CSMD1: variants seen among roughly 807,000 people sequenced by gnomAD.
The protein encoded by CSMD1 is CUB and sushi domain-containing protein 1.
A neutral mutation model predicts 417.5 loss-of-function variants in CSMD1; 213 were observed. The ratio of observed to expected loss-of-function variants is 0.51; its 90% confidence interval spans 0.46 to 0.57. The LOEUF is 0.57. Ranked by LOEUF, CSMD1 falls within the 20% of genes least tolerant of loss-of-function variation. The pLI is 0.00. For synonymous variants in CSMD1, 2,862 were observed against 1,736.8 expected (o/e 1.65, Z -16.11); for missense variants, 6,923 against 4,529.7 (o/e 1.53, Z -15.17).
intron 15 of CSMD1, among the ~76,000 whole-genome samples, chr8:3,404,094 G>C (rs1407248991): frequency 6.6e-6 from 1 of 152,114 alleles, no homozygotes; most frequent in African/African-American, 2.4e-5. Flanking sequence ...ACAGGACCTG[G>C]TTAGAAGTTT....
At chr8:3,677,973 G>A (rs1332673606) in intron 7 of CSMD1, among the ~76,000 whole-genome samples, 2 of 152,052 alleles carry the variant, frequency 1.3e-5, no homozygotes, top group Admixed American at 6.6e-5. Flanking sequence ...CACTGACTTG[G>A]TGCAGGGACT....
chr8:4,098,601 G>C (rs571937469), intron 3 of CSMD1, among the ~76,000 whole-genome samples: 3 of 151,990 alleles, frequency 2.0e-5, no homozygotes, highest in Non-Finnish European at 4.4e-5. Context: ...CCCTCTCTAA[G>C]GTTCAAATAA....
chr8:3,619,247 C>T (rs927699256), intron 7 of CSMD1, among the ~76,000 whole-genome samples: 3 of 152,078 alleles, frequency 2.0e-5, no homozygotes, highest in African/African-American at 4.8e-5. Context: ...GACATGTACC[C>T]CCCAAAAACG....
rs149990648 is a variant in CSMD1, at chr8:3,304,354, A to C, written c.3950+3341T>G. Among the ~76,000 whole-genome samples, 956 of 152,250 alleles carry C rather than the reference A, an allele frequency of 6.3e-3. 5 individuals carry two copies. Among genetic ancestry groups the C allele is most frequent in the Non-Finnish European group, 9.6e-3 (650 of 67,996 alleles). On this transcript the variant is annotated intron_variant, in intron 25 of 69. Transcript: ENST00000635120. ...GCTAATATCAAGGCTAAGACCAGAC[A>C]CCATTTTTTCTGAGTATTAGTACAA...
At chr8:4,692,053 G>T (rs1311645870) in intron 1 of CSMD1, among the ~76,000 whole-genome samples, 1 of 152,086 alleles carries the variant, frequency 6.6e-6, no homozygotes, top group East Asian at 1.9e-4. Context: ...TGATAATGCG[G>T]GGCACACAAC....
intron 1 of CSMD1, among the ~76,000 whole-genome samples, chr8:4,780,445 C>T (rs1168359371): frequency 6.6e-6 from 1 of 152,190 alleles, no homozygotes; most frequent in Non-Finnish European, 1.5e-5. Flanking sequence ...GTCTACCTAC[C>T]TACCTACCTA....
intron 5 of CSMD1, among the ~76,000 whole-genome samples, chr8:3,906,211 A>G (rs1808098875): frequency 6.6e-6 from 1 of 151,992 alleles, no homozygotes; most frequent in South Asian, 2.1e-4. Flanking sequence ...GTGCTTCATT[A>G]TCTTGATTGT....
chr8:4,840,657 T>G (rs577074238), intron 1 of CSMD1, among the ~76,000 whole-genome samples: 7 of 152,174 alleles, frequency 4.6e-5, no homozygotes, highest in Non-Finnish European at 1.0e-4. Flanking sequence ...CTGAGTGACG[T>G]GTCCCAAAAA....
rs529721062 is a variant in CSMD1, at chr8:4,783,791, G to A, written c.86-146233C>T. Among the ~76,000 whole-genome samples the A allele has an allele frequency of 2.6e-5, 4 of 152,246 alleles. No individual in the cohort carries two copies. In the South Asian group the frequency reaches 8.3e-4, roughly 32 times the overall value. On this transcript the variant is annotated intron_variant, in intron 1 of 69. Coordinates refer to ENST00000635120, the MANE Select transcript of CSMD1 (RefSeq NM_033225.6). ...TGGTGATGCCTCATTTGTAACTGTG[G>A]AGGCTTTGACACAAGGCATCAACCA...
At chr8:3,644,058 C>T (rs1471719464) in intron 7 of CSMD1, among the ~76,000 whole-genome samples, 1 of 152,166 alleles carries the variant, frequency 6.6e-6, no homozygotes, top group South Asian at 2.1e-4. Context: ...AAGCTTCCAA[C>T]TTTTATCTTT....
Position 3,946,825 on chromosome 8 carries a change from G to C in CSMD1, c.818+51078C>G, listed in dbSNP as rs111453891. Reference sequence around the variant, plus strand: ...ACTAAATCTGTCATATTTTAATTCTGTAAATGTTATAATTTTAAAAATTTT... The same window carrying C: ...ACTAAATCTGTCATATTTTAATTCTCTAAATGTTATAATTTTAAAAATTTT... On this transcript the variant is annotated intron_variant, in intron 5 of 69. Transcript: ENST00000635120. Among the ~76,000 whole-genome samples, 569 of 152,126 alleles carry C rather than the reference G, an allele frequency of 3.7e-3. 6 individuals carry two copies. Among genetic ancestry groups the C allele is most frequent in the African/African-American group, 0.012 (507 of 41,516 alleles).
At chr8:3,189,617 GT>G (rs1392504886) in intron 34 of CSMD1, among the ~76,000 whole-genome samples, 1 of 152,098 alleles carries the variant, frequency 6.6e-6, no homozygotes, top group African/African-American at 2.4e-5. Context: ...CATGATAATG[GT>G]TTTTTCCCAA....
At chr8:3,444,994 G>A (rs147833764) in intron 12 of CSMD1, among the ~76,000 whole-genome samples, 56 of 152,202 alleles carry the variant, frequency 3.7e-4, no homozygotes, top group African/African-American at 1.2e-3. Context: ...ACTCGAACCT[G>A]TCCAAGCCTC....
At chr8:4,687,861 A>T (rs1205278370) in intron 1 of CSMD1, among the ~76,000 whole-genome samples, 1 of 144,760 alleles carries the variant, frequency 6.9e-6, no homozygotes. Flanking sequence ...ACACACACAC[A>T]CTCATCTCCT....
At chr8:4,072,896 G>C (rs1026273535) in intron 3 of CSMD1, among the ~76,000 whole-genome samples, 3 of 152,128 alleles carry the variant, frequency 2.0e-5, no homozygotes, top group Non-Finnish European at 4.4e-5. Flanking sequence ...AGTGGAAAAA[G>C]TCAAATCAAC....
At chr8:3,820,750 A>AT (rs1209498759) in intron 5 of CSMD1, among the ~76,000 whole-genome samples, 1 of 151,556 alleles carries the variant, frequency 6.6e-6, no homozygotes, top group East Asian at 2.0e-4. Flanking sequence ...AAATTGTTGT[A>AT]TTTTTTGTTT....
At chr8:3,218,199 C>T (rs574742355) in intron 29 of CSMD1, among the ~76,000 whole-genome samples, 1 of 152,270 alleles carries the variant, frequency 6.6e-6, no homozygotes, top group South Asian at 2.1e-4. Context: ...AGAAACCTTG[C>T]TAAACCAGCC....
At chr8:3,961,017 C>T (rs1198481882) in intron 5 of CSMD1, among the ~76,000 whole-genome samples, 2 of 151,846 alleles carry the variant, frequency 1.3e-5, no homozygotes, top group African/African-American at 2.4e-5. Context: ...ATAAATTGTA[C>T]AATTCCCATT....
At chr8:3,290,351 T>A (rs7837516) in intron 25 of CSMD1, among the ~76,000 whole-genome samples, 1 of 143,354 alleles carries the variant, frequency 7.0e-6, no homozygotes, top group South Asian at 2.1e-4. Flanking sequence ...TAGTTTTTTC[T>A]AATTCTGTGA....
Sources: gnomAD v4.1 joint callset for allele counts (sites outside exome capture counted in the v4.1 genomes callset) on GRCh38, gnomAD v4.1.1 for gene constraint, MANE v1.5 for transcripts, NCBI Gene and HGNC (gene_info 2026-07-23, HGNC 2026-07-21) for gene names.